The following HTR3C variants were observed in gnomAD, a reference collection of about 807,000 sequenced individuals.
The protein encoded by HTR3C is 5-hydroxytryptamine receptor 3C, also known as 5-HT3-C.
In HTR3C, 32 loss-of-function variants were observed where a neutral mutation model predicts 40.5. The observed-to-expected ratio is 0.79, with a 90% CI of 0.60 to 1.06. The LOEUF (loss-of-function observed/expected upper bound fraction) is 1.06. Ranked by LOEUF, HTR3C falls within the 50% of genes least tolerant of loss-of-function variation. HTR3C has a pLI of 0.00. For synonymous variants in HTR3C, 209 were observed against 217.1 expected (o/e 0.96, Z 0.33); for missense variants, 523 against 556.8 (o/e 0.94, Z 0.61).
At chr3:184,056,041 G>GGGGGAT in intron 3 of HTR3C, 136 bp from the exon 4 acceptor site, 1 of 618,306 alleles carries the variant, frequency 1.6e-6, no homozygotes, top group South Asian at 1.9e-5. Flanking sequence ...ATCAAGAATG[G>GGGGGAT]GGGGATAGGC....
rs575185101 is a variant in HTR3C at position 184,059,988 on chromosome 3, C to T, written c.1086C>T (p.Pro362=). 2.5e-6 allele frequency: 4 copies of T among 1,613,852 alleles called. No homozygotes were observed. Among genetic ancestry groups the T allele is most frequent in the Non-Finnish European group, 3.4e-6 (4 of 1,180,010 alleles). Residue 362 remains proline, a synonymous_variant, in exon 8 of 9, where the codon CCC becomes CCT. Transcript: ENST00000318351. ...GCACCAGCCCAGGGAGATGCTGTCC[C>T]ACTGCGCCCCAGAAGGGAAATAAGG... The part of the protein sequence containing the change: ...LHCTSPGRCC[P]TAPQKGNKGL...
At chr3:184,054,913 C>T in intron 2 of HTR3C, 26 bp downstream of exon 2, 1 of 1,576,548 alleles carries the variant, frequency 6.3e-7, no homozygotes, top group Non-Finnish European at 8.6e-7. Flanking sequence ...TGCATCTTTT[C>T]CATGGCTTCT....
chr3:184,056,919 G>C lies in HTR3C; in HGVS notation c.434G>C (p.Ser145Thr). ...CCTTCCGGTCTCACTGCCTATATCAGCAGTGAAGGTCGAATTAAGTATGAT... is the reference window on the plus strand; with the variant it reads ...CCTTCCGGTCTCACTGCCTATATCACCAGTGAAGGTCGAATTAAGTATGAT... ...QTPSGLTAYI[S>T]SEGRIKYDKP... The change falls in exon 5 of 9, where the codon AGC (serine) becomes ACC (threonine). Residue 145 changes from serine (S) to threonine (T), a missense_variant. Ser to Thr is a moderately conservative substitution (Grantham distance 58). Coordinates refer to ENST00000318351, the MANE Select transcript of HTR3C (RefSeq NM_130770.3). 6.2e-7 allele frequency: 1 copy of C among 1,613,668 alleles called. No homozygotes were observed. Among genetic ancestry groups the C allele is most frequent in the African/African-American group, 1.3e-5 (1 of 75,028 alleles).
At chr3:184,054,100 T>A (rs1723276342) in intron 1 of HTR3C, among the ~76,000 whole-genome samples, 1 of 152,158 alleles carries the variant, frequency 6.6e-6, no homozygotes, top group Admixed American at 6.6e-5. Flanking sequence ...CTCAGTGATG[T>A]CACCTCATGA....
intron 3 of HTR3C, among the ~76,000 whole-genome samples, chr3:184,055,627 T>C (rs910229102): frequency 1.3e-5 from 2 of 151,142 alleles, no homozygotes; most frequent in Admixed American, 1.3e-4. Context: ...GGCAGGAAAA[T>C]TGCTTGAACC....
At position 184,058,731 on chromosome 3, in the gene HTR3C, G is replaced by A. The variant is rs528121262; in HGVS notation, c.720+144G>A. 158 of 812,482 alleles carry A rather than the reference G, an allele frequency of 1.9e-4. 1 individual carries two copies. In the African/African-American group the frequency reaches 2.6e-3, roughly 13 times the overall value. 50.3% of individuals were successfully genotyped at this position (812,482 alleles called of 1,614,324 possible). The stretch of plus-strand genomic sequence containing the variant: ...TGTAATCCCAGTACTTTGGGAGGCC[G>A]AGGGAGGCGGATCATGAGGTCAGGA... On this transcript the variant is annotated intron_variant, in intron 6 of 8. Coordinates refer to ENST00000318351, the MANE Select transcript of HTR3C (RefSeq NM_130770.3).
intron 1 of HTR3C, among the ~76,000 whole-genome samples, chr3:184,054,134 G>A (rs1011902443): frequency 6.6e-6 from 1 of 152,150 alleles, no homozygotes. Flanking sequence ...AATAACCCAC[G>A]AGACAACTGA....
chr3:184,053,786 G>A (rs972399548), intron 1 of HTR3C, among the ~76,000 whole-genome samples: 8 of 151,696 alleles, frequency 5.3e-5, no homozygotes, highest in Non-Finnish European at 5.9e-5. Flanking sequence ...ATGAAGTGTC[G>A]CTCTGTCGCC....
chr3:184,054,148 C>T (rs1442842597), intron 1 of HTR3C, among the ~76,000 whole-genome samples: 1 of 152,142 alleles, frequency 6.6e-6, no homozygotes, highest in Non-Finnish European at 1.5e-5. Context: ...CAACTGAGGT[C>T]ACTAAATCTG....
chr3:184,058,339 T>C, intron 5 of HTR3C, 88 bp from the exon 6 acceptor site: 1 of 1,362,354 alleles, frequency 7.3e-7, no homozygotes, highest in Non-Finnish European at 9.7e-7. Context: ...GAAAATTTGG[T>C]TTAGAAGCTC....
chr3:184,059,822 C>T lies in HTR3C; in HGVS notation c.926-6C>T, dbSNP rs375480881. ...CTGGTTTATTTATAATTTGCTCTGC[C>T]CTCAGGTGTCTACTTCGCCCTGTGC... On this transcript the variant is annotated splice_region_variant and splice_polypyrimidine_tract_variant and intron_variant, in intron 7 of 8. Transcript: ENST00000318351. 13 of 1,613,962 alleles carry T rather than the reference C, an allele frequency of 8.1e-6. No homozygotes were observed. In the African/African-American group the frequency reaches 1.5e-4, roughly 18 times the overall value.
At chr3:184,055,649 G>T (rs1004735885) in intron 3 of HTR3C, among the ~76,000 whole-genome samples, 3 of 151,742 alleles carry the variant, frequency 2.0e-5, no homozygotes, top group Non-Finnish European at 4.4e-5. Context: ...GGGAGGCAGA[G>T]GTTGCAGAGA....
intron 5 of HTR3C, 26 bp from the exon 6 acceptor site, chr3:184,058,401 A>G (rs781714213): frequency 2.3e-5 from 36 of 1,578,582 alleles, no homozygotes; most frequent in Non-Finnish European, 3.1e-5. Flanking sequence ...AAACGTCTGC[A>G]ATGAACTGAC....
rs73052466 is a variant in HTR3C at position 184,053,435 on chromosome 3, C to G, written c.67+288C>G. ...ATGCTCCACTACCACACCCTTCTTCCCCCTCTCCTTGTCTCTGTTTCTCCT... is the reference window on the plus strand; with the variant it reads ...ATGCTCCACTACCACACCCTTCTTCGCCCTCTCCTTGTCTCTGTTTCTCCT... On this transcript the variant is annotated intron_variant, in intron 1 of 8. Coordinates refer to ENST00000318351, the MANE Select transcript of HTR3C (RefSeq NM_130770.3). 3.8e-3 allele frequency among the ~76,000 whole-genome samples: 575 copies of G among 152,296 alleles called. 1 individual carries two copies. The highest frequency in any genetic ancestry group is 0.013 in the African/African-American group (548 of 41,540).
Position 184,059,893 on chromosome 3 carries a change from T to C in HTR3C, c.991T>C (p.Tyr331His), listed in dbSNP as rs567421103. 4.5e-5 allele frequency: 72 copies of C among 1,614,024 alleles called. No individual in the cohort carries two copies. Among genetic ancestry groups the C allele is most frequent in the Middle Eastern group, 1.7e-4 (1 of 5,964 alleles). Residue 331 changes from tyrosine to histidine, a missense_variant, in exon 8 of 9, where the codon TAC becomes CAC. Physicochemically the swap from Tyr to His is moderately conservative, Grantham distance 83 (BLOSUM62 2). Coordinates refer to ENST00000318351, the MANE Select transcript of HTR3C (RefSeq NM_130770.3). ...CCTGCTGGAGACCGTCTTCATTACC[T>C]ACCTGCTGCACGTGGCCACCACCCA... ...VSLLETVFIT[Y>H]LLHVATTQPP...
chr3:184,056,537 A>C (rs1489442056), intron 4 of HTR3C, among the ~76,000 whole-genome samples: 1 of 152,172 alleles, frequency 6.6e-6, no homozygotes, highest in Non-Finnish European at 1.5e-5. Context: ...ACCTGAGGTC[A>C]GAAGTTCGAG....
At chr3:184,054,259 C>G (rs1320704964) in intron 1 of HTR3C, among the ~76,000 whole-genome samples, 1 of 152,178 alleles carries the variant, frequency 6.6e-6, no homozygotes, top group Non-Finnish European at 1.5e-5. Flanking sequence ...TAAAATGTCT[C>G]TTATCCTCTT....
At chr3:184,053,694 G>T (rs1011834658) in intron 1 of HTR3C, among the ~76,000 whole-genome samples, 6 of 152,198 alleles carry the variant, frequency 3.9e-5, no homozygotes, top group African/African-American at 1.4e-4. Flanking sequence ...CTACCCAGAT[G>T]ACTCCCTGGC....
intron 4 of HTR3C, 49 bp from the exon 5 acceptor site, chr3:184,056,826 A>C: frequency 6.6e-7 from 1 of 1,507,934 alleles, no homozygotes; most frequent in Non-Finnish European, 9.0e-7. Flanking sequence ...GAAGGAAGGG[A>C]GACAAGAGCT....
Sources: gnomAD v4.1 joint callset for allele counts (sites outside exome capture counted in the v4.1 genomes callset) on GRCh38, gnomAD v4.1.1 for gene constraint, MANE v1.5 for transcripts, NCBI Gene and HGNC (gene_info 2026-07-23, HGNC 2026-07-21) for gene names.